GPHN: variants seen among roughly 807,000 people sequenced by gnomAD.
GPHN encodes gephyrin.
Under a neutral mutation model 95.5 loss-of-function variants are expected in GPHN, and 17 were observed. The ratio of observed to expected loss-of-function variants is 0.18; its 90% CI spans 0.12 to 0.27. GPHN has a LOEUF of 0.27. Among genes scored for constraint, GPHN ranks in the 10% least tolerant of loss-of-function variants. The pLI is 1.00. For synonymous variants in GPHN, 320 were observed against 322.5 expected (o/e 0.99, Z 0.08); for missense variants, 660 against 978.1 (o/e 0.67, Z 4.34).
At chr14:66,572,427 T>A (rs7146426) in intron 1 of GPHN, among the ~76,000 whole-genome samples, 38,264 of 151,956 alleles carry the variant, frequency 0.25, 9,703 homozygotes, top group African/African-American at 0.62. Context: ...TTTGTGTGCG[T>A]GTTTCGTACT....
At chr14:67,426,512 C>CAGA in the GPHN span, among the ~76,000 whole-genome samples, 1 of 152,284 alleles carries the variant, frequency 6.6e-6, no homozygotes, top group Admixed American at 6.5e-5. Flanking sequence ...TCAGCAGCAG[C>CAGA]AGACTGTGAA....
chr14:66,952,784 T>G (rs2068191419), intron 8 of GPHN, among the ~76,000 whole-genome samples: 1 of 152,120 alleles, frequency 6.6e-6, no homozygotes, highest in African/African-American at 2.4e-5. Context: ...AACCTCAGCC[T>G]CCCGGGTTCA....
chr14:67,310,078 G>T, the GPHN span, among the ~76,000 whole-genome samples: 1 of 146,546 alleles, frequency 6.8e-6, no homozygotes, highest in Non-Finnish European at 1.5e-5. Flanking sequence ...TTTTTTTAAA[G>T]AAAACATATT....
the GPHN span, among the ~76,000 whole-genome samples, chr14:67,485,558 T>C: frequency 6.6e-6 from 1 of 152,172 alleles, no homozygotes; most frequent in African/African-American, 2.4e-5. Flanking sequence ...GCTTGTCTGT[T>C]CAAGATTGCA....
chr14:67,470,352 A>G, the GPHN span: 1 of 152,340 alleles, frequency 6.6e-6, no homozygotes, highest in Non-Finnish European at 1.5e-5. Flanking sequence ...AGAGCAGGCA[A>G]TGGGCGCACA....
At chr14:67,713,272 C>A in the GPHN span, among the ~76,000 whole-genome samples, 33 of 148,562 alleles carry the variant, frequency 2.2e-4, no homozygotes, top group Non-Finnish European at 4.2e-4. Flanking sequence ...AAACAAAAAA[C>A]AAAACAAAAA....
At chr14:67,698,946 G>C in the GPHN span, among the ~76,000 whole-genome samples, 2 of 152,074 alleles carry the variant, frequency 1.3e-5, no homozygotes, top group Admixed American at 6.6e-5. Flanking sequence ...AAGAAGAAAA[G>C]AGAACTCTAA....
the GPHN span, chr14:67,198,073 A>G: frequency 6.7e-7 from 1 of 1,489,916 alleles, no homozygotes; most frequent in East Asian, 2.3e-5. Context: ...TAAATAAATG[A>G]AGCAACTTAA....
At chr14:67,138,367 T>A (rs1230710978) in intron 17 of GPHN, among the ~76,000 whole-genome samples, 1 of 152,184 alleles carries the variant, frequency 6.6e-6, no homozygotes, top group Non-Finnish European at 1.5e-5. Context: ...TGTTTTGTAG[T>A]TTTAGCCTCC....
chr14:67,511,220 G>C, the GPHN span, among the ~76,000 whole-genome samples: 1 of 152,146 alleles, frequency 6.6e-6, no homozygotes, highest in Non-Finnish European at 1.5e-5. Context: ...AGTCAGAAGT[G>C]GATAATCCAG....
At chr14:67,551,022 C>A in the GPHN span, among the ~76,000 whole-genome samples, 19 of 152,258 alleles carry the variant, frequency 1.2e-4, no homozygotes, top group East Asian at 3.7e-3. Flanking sequence ...GCCTAAATAT[C>A]CTACATGTAT....
intron 18 of GPHN, among the ~76,000 whole-genome samples, chr14:67,158,081 TGGATCA>T (rs2081720288): frequency 1.3e-5 from 2 of 151,560 alleles, no homozygotes; most frequent in African/African-American, 4.9e-5. Context: ...CCGAGACGGG[TGGATCA>T]CCTGAGGTCA....
At chr14:66,806,492 G>A (rs1388029099) in intron 3 of GPHN, among the ~76,000 whole-genome samples, 2 of 151,892 alleles carry the variant, frequency 1.3e-5, no homozygotes, top group African/African-American at 2.4e-5. Context: ...CTATTGCATT[G>A]TCAGGCTGCA....
chr14:67,407,751 C>T, the GPHN span, among the ~76,000 whole-genome samples: 1 of 152,140 alleles, frequency 6.6e-6, no homozygotes, highest in African/African-American at 2.4e-5. Context: ...AGACCCCTAA[C>T]TTTAAAGATA....
intron 18 of GPHN, among the ~76,000 whole-genome samples, chr14:67,157,968 A>G (rs144865213): frequency 0.012 from 1,830 of 152,096 alleles, 19 homozygotes; most frequent in Non-Finnish European, 0.018. Flanking sequence ...GATGGATGAG[A>G]ACAATGATTG....
chr14:66,673,435 T>C (rs2066414450), intron 1 of GPHN, among the ~76,000 whole-genome samples: 1 of 152,154 alleles, frequency 6.6e-6, no homozygotes, highest in Admixed American at 6.5e-5. Context: ...TTAATACACG[T>C]TTCAACTAAA....
the GPHN span, chr14:67,515,488 C>G: frequency 5.5e-3 from 862 of 157,942 alleles, 9 homozygotes; most frequent in African/African-American, 0.02. Flanking sequence ...TCGCGTCTGA[C>G]AGGCGCTCGC....
intron 9 of GPHN, among the ~76,000 whole-genome samples, chr14:66,999,698 A>G (rs903936390): frequency 2.0e-5 from 3 of 151,862 alleles, no homozygotes; most frequent in Non-Finnish European, 4.4e-5. Flanking sequence ...CTGATTTTCA[A>G]CTTTGTTCCA....
chr14:67,565,990 C>G, the GPHN span, among the ~76,000 whole-genome samples: 1 of 152,058 alleles, frequency 6.6e-6, no homozygotes, highest in Non-Finnish European at 1.5e-5. Context: ...CATGGTGGTG[C>G]ACGCCTATAG....
Sources: gnomAD v4.1 joint callset for allele counts (sites outside exome capture counted in the v4.1 genomes callset) on GRCh38, gnomAD v4.1.1 for gene constraint, MANE v1.5 for transcripts, NCBI Gene and HGNC (gene_info 2026-07-23, HGNC 2026-07-21) for gene names.